The following CSMD1 variants were observed in gnomAD, a reference collection of about 807,000 sequenced individuals.
CSMD1 encodes the protein CUB and Sushi multiple domains 1, also known as CUB and sushi domain-containing protein 1.
In CSMD1, 213 loss-of-function variants were observed where a neutral mutation model predicts 417.5. That is an observed-to-expected ratio of 0.51 (90% CI 0.46 to 0.57). The LOEUF is 0.57. Ranked by LOEUF, CSMD1 falls within the 20% of genes least tolerant of loss-of-function variation. The pLI is 0.00. For synonymous variants in CSMD1, 2,862 were observed against 1,736.8 expected (o/e 1.65, Z -16.11); for missense variants, 6,923 against 4,529.7 (o/e 1.53, Z -15.17).
intron 3 of CSMD1, among the ~76,000 whole-genome samples, chr8:4,331,101 T>C (rs1799845507): frequency 1.3e-5 from 2 of 152,310 alleles, no homozygotes; most frequent in Admixed American, 6.5e-5. Flanking sequence ...CTACATATAA[T>C]AGCAAAATGA....
intron 5 of CSMD1, among the ~76,000 whole-genome samples, chr8:3,818,898 C>G (rs1277000513): frequency 1.3e-5 from 2 of 152,142 alleles, no homozygotes; most frequent in African/African-American, 2.4e-5. Context: ...AACTTGAAAG[C>G]AAGACCACCG....
chr8:3,635,066 G>A (rs1157983729), intron 7 of CSMD1, among the ~76,000 whole-genome samples: 4 of 152,072 alleles, frequency 2.6e-5, no homozygotes, highest in East Asian at 1.9e-4. Flanking sequence ...AAAATGGGAT[G>A]CCTATATAAG....
At chr8:4,954,761 ACTG>A (rs1808977490) in intron 1 of CSMD1, among the ~76,000 whole-genome samples, 1 of 152,172 alleles carries the variant, frequency 6.6e-6, no homozygotes, top group African/African-American at 2.4e-5. Flanking sequence ...ATTAATAATA[ACTG>A]CTATTACACA....
chr8:4,121,095 T>C (rs1201259464), intron 3 of CSMD1, among the ~76,000 whole-genome samples: 7 of 151,764 alleles, frequency 4.6e-5, no homozygotes. Flanking sequence ...TTTTATTTTA[T>C]TTTTTATTTA....
chr8:4,236,017 A>C (rs1384560484), intron 3 of CSMD1, among the ~76,000 whole-genome samples: 1 of 131,338 alleles, frequency 7.6e-6, no homozygotes, highest in East Asian at 2.3e-4. Flanking sequence ...AAAGAGGTTA[A>C]TGGATATTGT....
chr8:4,652,727 G>T (rs1202611595), intron 1 of CSMD1, among the ~76,000 whole-genome samples: 1 of 152,140 alleles, frequency 6.6e-6, no homozygotes, highest in Non-Finnish European at 1.5e-5. Flanking sequence ...AAGCTCTAGA[G>T]CAGCAGTCTC....
chr8:4,884,029 G>A (rs938154176), intron 1 of CSMD1, among the ~76,000 whole-genome samples: 7 of 151,976 alleles, frequency 4.6e-5, no homozygotes, highest in African/African-American at 1.7e-4. Context: ...AGCCTTCGTA[G>A]TGAATGTCAA....
intron 5 of CSMD1, among the ~76,000 whole-genome samples, chr8:3,855,163 C>G (rs1001711170): frequency 6.6e-6 from 1 of 152,062 alleles, no homozygotes. Context: ...CTAATTAAGA[C>G]AAATTACTTT....
At position 2,950,314 on chromosome 8, in the gene CSMD1, G is replaced by C; in HGVS notation, c.10231C>G (p.Leu3411Val). 6.2e-7 allele frequency: 1 copy of C among 1,613,320 alleles called. No homozygotes were observed. Among genetic ancestry groups the C allele is most frequent in the Non-Finnish European group, 8.5e-7 (1 of 1,179,316 alleles). The change falls in exon 67 of 70, where the codon CTC becomes GTC. Residue 3411 changes from leucine (L) to valine (V), a missense_variant. Coordinates refer to ENST00000635120, the MANE Select transcript of CSMD1 (RefSeq NM_033225.6). ...GIYKKEEAHL[L>V]LKAFQIKGQA... The stretch of plus-strand genomic sequence containing the variant: ...CCTTTAATTTGAAAAGCTTTCAGGA[G>C]TAAGTGGGCCTCCTCCTTCTTGTAA...
chr8:4,166,529 C>G (rs919199715), intron 3 of CSMD1, among the ~76,000 whole-genome samples: 1 of 152,240 alleles, frequency 6.6e-6, no homozygotes, highest in South Asian at 2.1e-4. Context: ...ACTGTATATT[C>G]TCATTTATAA....
intron 7 of CSMD1, among the ~76,000 whole-genome samples, chr8:3,646,325 G>C (rs1563230088): frequency 1.3e-5 from 2 of 151,992 alleles, no homozygotes; most frequent in Admixed American, 1.3e-4. Flanking sequence ...AAATATAGAA[G>C]ATATTAAAAC....
At chr8:4,476,037 T>G (rs1800786362) in intron 2 of CSMD1, among the ~76,000 whole-genome samples, 1 of 152,078 alleles carries the variant, frequency 6.6e-6, no homozygotes, top group African/African-American at 2.4e-5. Flanking sequence ...AATGTATTAT[T>G]TAGAAAATTT....
At chr8:4,886,830 C>T (rs1278607324) in intron 1 of CSMD1, among the ~76,000 whole-genome samples, 1 of 151,896 alleles carries the variant, frequency 6.6e-6, no homozygotes, top group South Asian at 2.1e-4. Context: ...GTTAAATGAT[C>T]TCTTCTGTCA....
At chr8:3,219,190 A>C in intron 29 of CSMD1, 65 bp downstream of exon 29, 1 of 1,313,854 alleles carries the variant, frequency 7.6e-7, no homozygotes, top group African/African-American at 1.5e-5. Flanking sequence ...TTACAAAGCA[A>C]TGCCTACAAT....
intron 1 of CSMD1, among the ~76,000 whole-genome samples, chr8:4,948,701 C>G (rs1297298512): frequency 6.6e-6 from 1 of 151,940 alleles, no homozygotes; most frequent in Non-Finnish European, 1.5e-5. Context: ...TGTGTATAAT[C>G]TTTTGAATTT....
intron 4 of CSMD1, among the ~76,000 whole-genome samples, chr8:4,000,534 G>A (rs934194315): frequency 6.6e-6 from 1 of 152,178 alleles, no homozygotes; most frequent in South Asian, 2.1e-4. Context: ...TGGGATAATG[G>A]TGAATCAGGT....
chr8:4,647,235 A>T (rs907242943), intron 1 of CSMD1, among the ~76,000 whole-genome samples: 1 of 140,010 alleles, frequency 7.1e-6, no homozygotes, highest in Non-Finnish European at 1.6e-5. Flanking sequence ...TGCTGTTTCT[A>T]TTTTTTTTTT....
chr8:4,946,127 G>T (rs897027824), intron 1 of CSMD1, among the ~76,000 whole-genome samples: 6 of 152,060 alleles, frequency 3.9e-5, no homozygotes, highest in Admixed American at 1.3e-4. Flanking sequence ...GTCCAATCGG[G>T]TTACAGGGAT....
chr8:3,542,555 C>G (rs80032724), intron 10 of CSMD1, among the ~76,000 whole-genome samples: 7,123 of 152,150 alleles, frequency 0.047, 488 homozygotes, highest in African/African-American at 0.15. Context: ...GAACACGGAA[C>G]AGGGTTATAG....
Sources: allele counts gnomAD v4.1 joint callset (sites outside exome capture counted in the v4.1 genomes callset), GRCh38; gene constraint gnomAD v4.1.1; transcripts MANE v1.5; gene names NCBI Gene and HGNC (gene_info 2026-07-23, HGNC 2026-07-21).